Variants in LSAMP observed in about 807,000 individuals in gnomAD.
LSAMP encodes limbic system-associated membrane protein.
A neutral mutation model predicts 38.6 loss-of-function variants in LSAMP; 7 were observed. That is an observed-to-expected ratio of 0.18 (90% CI 0.10 to 0.34). LSAMP has a LOEUF of 0.34. LSAMP is among the 10% of genes least tolerant of loss of function. The probability of loss-of-function intolerance (pLI) is 1.00; values close to 1 mark genes in which losing one functional copy is unlikely to be tolerated. For missense variants in LSAMP, 313 were observed against 420.0 expected, an observed-to-expected ratio of 0.75 and a Z score of 2.23; for synonymous variants, 154 against 166.8, an observed-to-expected ratio of 0.92 and a Z score of 0.59.
At chr3:115,997,737 TATATATATATATATATAC>T (rs1939858723) in intron 3 of LSAMP, among the ~76,000 whole-genome samples, 3 of 83,106 alleles carry the variant, frequency 3.6e-5, no homozygotes, top group Admixed American at 1.3e-4. Context: ...TATATATATA[TATATATATATATATATAC>T]ACACACATAC....
chr3:116,247,797 C>T (rs1036686683), intron 1 of LSAMP, among the ~76,000 whole-genome samples: 1 of 152,138 alleles, frequency 6.6e-6, no homozygotes, highest in Non-Finnish European at 1.5e-5. Context: ...TGTAGTTAAA[C>T]ATAAAGTGAA....
intron 3 of LSAMP, among the ~76,000 whole-genome samples, chr3:115,878,205 C>A (rs912636020): frequency 3.3e-5 from 5 of 151,946 alleles, no homozygotes; most frequent in Non-Finnish European, 5.9e-5. Flanking sequence ...AATGTCCTCC[C>A]AGAACAGTAA....
intron 1 of LSAMP, among the ~76,000 whole-genome samples, chr3:116,280,535 C>A (rs1173051087): frequency 6.6e-6 from 1 of 152,184 alleles, no homozygotes; most frequent in African/African-American, 2.4e-5. Context: ...CCAGTATTGG[C>A]ATCTATTTCT....
At chr3:116,330,795 T>C (rs2047841604) in intron 1 of LSAMP, among the ~76,000 whole-genome samples, 1 of 152,096 alleles carries the variant, frequency 6.6e-6, no homozygotes, top group Non-Finnish European at 1.5e-5. Context: ...AAACTAAGTA[T>C]GGGAAAGATT....
At chr3:116,233,568 C>T (rs776658390) in intron 1 of LSAMP, among the ~76,000 whole-genome samples, 2 of 151,934 alleles carry the variant, frequency 1.3e-5, no homozygotes, top group Non-Finnish European at 2.9e-5. Flanking sequence ...GCTCTTATTC[C>T]TTCCATCTAA....
chr3:116,137,301 G>A (rs1709272134), intron 1 of LSAMP, among the ~76,000 whole-genome samples: 1 of 151,950 alleles, frequency 6.6e-6, no homozygotes. Flanking sequence ...TATATTTTGA[G>A]GATCCAGGTG....
At chr3:116,423,218 A>G (rs1353933956) in intron 1 of LSAMP, among the ~76,000 whole-genome samples, 1 of 152,178 alleles carries the variant, frequency 6.6e-6, no homozygotes, top group African/African-American at 2.4e-5. Context: ...TCATTTTAAG[A>G]GGGGAAAAAA....
intron 1 of LSAMP, among the ~76,000 whole-genome samples, chr3:116,119,381 G>A (rs1708823805): frequency 1.3e-5 from 2 of 151,854 alleles, no homozygotes; most frequent in African/African-American, 4.8e-5. Context: ...GTATATGTAT[G>A]TTTACATCAT....
At chr3:116,313,902 C>T (rs146695939) in intron 1 of LSAMP, among the ~76,000 whole-genome samples, 2 of 152,032 alleles carry the variant, frequency 1.3e-5, no homozygotes, top group African/African-American at 2.4e-5. Flanking sequence ...TGCAGTGAGC[C>T]GAGATCACAC....
At chr3:116,025,207 G>A (rs1343522478) in intron 2 of LSAMP, among the ~76,000 whole-genome samples, 3 of 151,930 alleles carry the variant, frequency 2.0e-5, no homozygotes, top group Non-Finnish European at 2.9e-5. Context: ...ATATTAGTGT[G>A]ATTTATTATA....
rs528160712 is a variant in LSAMP at position 115,820,046 on chromosome 3, G to C, written c.920-9632C>G. On this transcript the variant is annotated intron_variant, in intron 6 of 6. Transcript: ENST00000490035. Reference sequence around the variant, plus strand: ...ACTTTTTTTTTTTTTTCCAGTGTCAGGCCAGGCATGAAATAGTACTCTTTA... The same window carrying C: ...ACTTTTTTTTTTTTTTCCAGTGTCACGCCAGGCATGAAATAGTACTCTTTA... 1.6e-4 allele frequency among the ~76,000 whole-genome samples: 24 copies of C among 151,618 alleles called. No homozygotes were observed. The East Asian group carries it at 4.7e-3, about 29-fold the overall frequency.
chr3:116,030,988 TATTAATTTTGA>T (rs893050367), intron 2 of LSAMP, among the ~76,000 whole-genome samples: 5 of 152,288 alleles, frequency 3.3e-5, no homozygotes, highest in African/African-American at 1.2e-4. Flanking sequence ...TTCTGTGTTC[TATTAATTTTGA>T]ATTAATTTTT....
intron 1 of LSAMP, among the ~76,000 whole-genome samples, chr3:116,189,419 C>T (rs1374610173): frequency 6.6e-6 from 1 of 152,210 alleles, no homozygotes; most frequent in East Asian, 1.9e-4. Context: ...CGAATCAAGG[C>T]TTCCTCTGGG....
intron 1 of LSAMP, among the ~76,000 whole-genome samples, chr3:116,126,957 ACT>A (rs1709022059): frequency 6.6e-6 from 1 of 152,260 alleles, no homozygotes; most frequent in South Asian, 2.1e-4. Context: ...CTGGTTCCTA[ACT>A]CTTTTTTGCT....
intron 1 of LSAMP, among the ~76,000 whole-genome samples, chr3:116,092,651 C>T (rs528554020): frequency 6.6e-6 from 1 of 152,278 alleles, no homozygotes; most frequent in South Asian, 2.1e-4. Context: ...TTTCTTCAAA[C>T]ACTTTACATC....
intron 1 of LSAMP, among the ~76,000 whole-genome samples, chr3:116,241,051 C>T (rs1311274463): frequency 1.3e-5 from 2 of 152,018 alleles, no homozygotes; most frequent in Non-Finnish European, 2.9e-5. Flanking sequence ...GTGGCGCATG[C>T]CTGTAGTCCC....
At chr3:116,122,255 T>C (rs528982126) in intron 1 of LSAMP, among the ~76,000 whole-genome samples, 1 of 152,340 alleles carries the variant, frequency 6.6e-6, no homozygotes, top group African/African-American at 2.4e-5. Context: ...ATACATTCTA[T>C]AGTAAAACCC....
rs142957692 is a variant in LSAMP at position 116,267,985 on chromosome 3, A to G, written c.155+176892T>C. ...CTTGCACCAGGAGGATGAAAGCAAC[A>G]CATTCAAGATGGCAAAGTTAAATGA... On this transcript the variant is annotated intron_variant, in intron 1 of 6. Transcript: ENST00000490035. Among the ~76,000 whole-genome samples, 375 of 152,250 alleles carry G rather than the reference A, an allele frequency of 2.5e-3. 1 individual carries two copies. Among genetic ancestry groups the G allele is most frequent in the Non-Finnish European group, 4.4e-3 (302 of 67,996 alleles).
chr3:116,026,293 T>A lies in LSAMP; in HGVS notation c.389-6653A>T, dbSNP rs147292770. ...TCCTTTATCCACCCTCTACCAGATC[T>A]CCAGGGTCTGCCCTGACTCTTACGG... On this transcript the variant is annotated intron_variant, in intron 2 of 6. Transcript: ENST00000490035. 4.7e-4 allele frequency among the ~76,000 whole-genome samples: 71 copies of A among 152,270 alleles called. 1 individual carries two copies. The East Asian group carries it at 7.9e-3, about 17-fold the overall frequency.
Sources: gnomAD v4.1 joint callset for allele counts (sites outside exome capture counted in the v4.1 genomes callset) on GRCh38, gnomAD v4.1.1 for gene constraint, MANE v1.5 for transcripts, NCBI Gene and HGNC (gene_info 2026-07-23, HGNC 2026-07-21) for gene names.